XRCC6: variants seen among roughly 807,000 people sequenced by gnomAD.
The protein encoded by XRCC6 is X-ray repair cross complementing 6, also known as DNA repair protein Ku70.
XRCC6 carries 5 observed loss-of-function variants against 65.7 expected under a neutral mutation model. That is an observed-to-expected ratio of 0.08 (90% CI 0.04 to 0.16). The LOEUF is 0.16. Ranked by LOEUF, XRCC6 falls within the 10% of genes least tolerant of loss-of-function variation. The probability of loss-of-function intolerance (pLI) is 1.00; values close to 1 mark genes in which losing one functional copy is unlikely to be tolerated. For synonymous variants in XRCC6, 270 were observed against 270.6 expected (o/e 1.00, Z 0.02); for missense variants, 447 against 738.1 (o/e 0.61, Z 4.57).
intron 6 of XRCC6, among the ~76,000 whole-genome samples, chr22:41,639,608 A>G (rs942518095): frequency 3.4e-5 from 5 of 148,500 alleles, no homozygotes; most frequent in Non-Finnish European, 5.9e-5. Context: ...AGGCCTCCCA[A>G]TGTGCTGGGA....
At chr22:41,663,460 A>G (rs2068118087) in intron 12 of XRCC6, among the ~76,000 whole-genome samples, 162 bp from the exon 13 acceptor site, 1 of 152,170 alleles carries the variant, frequency 6.6e-6, no homozygotes, top group Admixed American at 6.5e-5. Context: ...CTTTAAATGA[A>G]GCTACCTTAT....
chr22:41,648,817 T>C (rs1327162157), intron 7 of XRCC6, among the ~76,000 whole-genome samples: 1 of 152,118 alleles, frequency 6.6e-6, no homozygotes, highest in Admixed American at 6.6e-5. Context: ...TATATTGATT[T>C]ATTCATAGGC....
intron 6 of XRCC6, among the ~76,000 whole-genome samples, 171 bp downstream of exon 6, chr22:41,637,962 T>TAAAAA (rs132775): frequency 7.6e-6 from 1 of 131,142 alleles, no homozygotes. Context: ...TCTCTCTACC[T>TAAAAA]AAAAAAAAAA....
intron 6 of XRCC6, among the ~76,000 whole-genome samples, chr22:41,640,192 A>G (rs1601540705): frequency 6.6e-6 from 1 of 150,376 alleles, no homozygotes; most frequent in African/African-American, 2.4e-5. Flanking sequence ...TCTGTCGCCC[A>G]GGCTGGAGTG....
chr22:41,651,848 A>G (rs946245666), intron 8 of XRCC6, among the ~76,000 whole-genome samples: 3 of 151,866 alleles, frequency 2.0e-5, no homozygotes, highest in Non-Finnish European at 4.4e-5. Context: ...AAGTGGCGCA[A>G]TCTCGGCTCA....
At chr22:41,628,331 G>A (rs1569079872) in intron 3 of XRCC6, 101 bp downstream of exon 3, 7 of 937,276 alleles carry the variant, frequency 7.5e-6, no homozygotes, top group Non-Finnish European at 9.6e-6. Context: ...GGCCGAGACG[G>A]GCAGATCACT....
In XRCC6 at chr22:41,646,885, TA is replaced by T. The variant is rs538130878; in HGVS notation, c.774-10del. ...TTTCAGTTCATGCTCTTTCATTTTT[TA>T]CTCCCTCAGGTTAAAGCTGAAGCTC... On this transcript the variant is annotated splice_polypyrimidine_tract_variant and intron_variant, in intron 6 of 12. Coordinates refer to ENST00000360079, the MANE Select transcript of XRCC6 (RefSeq NM_001469.5). 4.0e-5 allele frequency: 63 copies of T among 1,573,576 alleles called. No individual in the cohort carries two copies. The South Asian group carries it at 7.1e-4, about 18-fold the overall frequency.
chr22:41,621,807 A>C, intron 1 of XRCC6, 183 bp from the exon 2 acceptor site: 1 of 581,366 alleles, frequency 1.7e-6, no homozygotes, highest in Non-Finnish European at 3.0e-6. Context: ...TGAGGCAGCT[A>C]CTGGGATGGC....
rs758500661 is a variant in XRCC6, at chr22:41,653,559, T to C, written c.1160T>C (p.Ile387Thr). The C allele has an allele frequency of 3.7e-6, 6 of 1,613,560 alleles. No homozygotes were observed. The South Asian group carries it at 6.6e-5, about 18-fold the overall frequency. Residue 387 changes from isoleucine to threonine, a missense_variant, in exon 9 of 13, where the codon ATC becomes ACC. Transcript: ENST00000360079. ...GSSTLFSALL[I>T]KCLEKEVAAL... ...TCAACCCTGTTCAGTGCTCTGCTCA[T>C]CAAGTGTCTGGAGAAGGAGGTTGCA... is the stretch of plus-strand genomic sequence containing the variant.
At chr22:41,650,575 C>A in intron 7 of XRCC6, 148 bp from the exon 8 acceptor site, 1 of 708,976 alleles carries the variant, frequency 1.4e-6, no homozygotes. Flanking sequence ...ATGTTAATTC[C>A]CTGTTGGAGA....
At chr22:41,644,319 T>TGTACTGAGACTTGTTTGTG in intron 6 of XRCC6, among the ~76,000 whole-genome samples, 2 of 152,346 alleles carry the variant, frequency 1.3e-5, no homozygotes, top group East Asian at 3.9e-4. Flanking sequence ...CCTTTTTCCA[T>TGTACTGAGACTTGTTTGTG]GTACTGAGAC....
At chr22:41,637,409 A>G (rs2067821198) in intron 5 of XRCC6, among the ~76,000 whole-genome samples, 199 bp from the exon 6 acceptor site, 1 of 151,952 alleles carries the variant, frequency 6.6e-6, no homozygotes, top group Admixed American at 6.6e-5. Flanking sequence ...TAATATTACC[A>G]CGAATGGTGA....
In XRCC6 at chr22:41,658,239, A is replaced by G. The variant is rs1440545529; in HGVS notation, c.1422-13A>G. ...TGTCATGTTTCAGTTGAGTTACATT[A>G]TTGTTTTAACAGAAGTGACAGCTTT... On this transcript the variant is annotated splice_polypyrimidine_tract_variant and intron_variant, in intron 10 of 12. Coordinates refer to ENST00000360079, the MANE Select transcript of XRCC6 (RefSeq NM_001469.5). 1 of 1,607,672 alleles carries G rather than the reference A, an allele frequency of 6.2e-7. No individual in the cohort carries two copies. The highest frequency in any genetic ancestry group is 2.2e-5 in the East Asian group (1 of 44,870).
chr22:41,643,963 C>T (rs564647819), intron 6 of XRCC6, among the ~76,000 whole-genome samples: 2 of 132,184 alleles, frequency 1.5e-5, no homozygotes, highest in East Asian at 2.3e-4. Context: ...CCACCCTAGG[C>T]GACAGAGTGA....
chr22:41,642,386 A>C (rs773059564), intron 6 of XRCC6, among the ~76,000 whole-genome samples: 1 of 152,046 alleles, frequency 6.6e-6, no homozygotes, highest in Non-Finnish European at 1.5e-5. Flanking sequence ...TGTCAGATGG[A>C]TAGTTTCCAG....
chr22:41,627,571 A>G (rs1021549419), intron 2 of XRCC6, among the ~76,000 whole-genome samples: 3 of 141,486 alleles, frequency 2.1e-5, no homozygotes, highest in African/African-American at 8.0e-5. Flanking sequence ...AGATTGTGCC[A>G]CTGTACTCCA....
At chr22:41,649,512 C>T (rs1342696293) in intron 7 of XRCC6, among the ~76,000 whole-genome samples, 2 of 151,934 alleles carry the variant, frequency 1.3e-5, no homozygotes, top group Non-Finnish European at 2.9e-5. Flanking sequence ...TCTCTGCCTT[C>T]CACATTGAGA....
chr22:41,659,597 C>A (rs2068081245), intron 11 of XRCC6, among the ~76,000 whole-genome samples: 1 of 152,112 alleles, frequency 6.6e-6, no homozygotes, highest in African/African-American at 2.4e-5. Flanking sequence ...GTCTCGGCCT[C>A]CCAAAGTTCT....
chr22:41,657,443 A>G (rs989121913), intron 10 of XRCC6, among the ~76,000 whole-genome samples: 2 of 151,436 alleles, frequency 1.3e-5, no homozygotes, highest in East Asian at 1.9e-4. Flanking sequence ...CAGAGCCTGC[A>G]TAATGGGACA....
Sources: allele counts gnomAD v4.1 joint callset (sites outside exome capture counted in the v4.1 genomes callset), GRCh38; gene constraint gnomAD v4.1.1; transcripts MANE v1.5; gene names NCBI Gene and HGNC (gene_info 2026-07-23, HGNC 2026-07-21).